The following FOXP1 variants were observed in gnomAD, a reference collection of about 807,000 sequenced individuals.
FOXP1 encodes forkhead box P1.
FOXP1 carries 15 observed loss-of-function variants against 98.2 expected under a neutral mutation model. The ratio of observed to expected loss-of-function variants is 0.15; its 90% CI spans 0.10 to 0.24. The LOEUF (loss-of-function observed/expected upper bound fraction) is 0.24. Among genes scored for constraint, FOXP1 ranks in the 10% least tolerant of loss-of-function variants. FOXP1 has a pLI of 1.00. For synonymous variants in FOXP1, 371 were observed against 314.5 expected (o/e 1.18, Z -1.90); for missense variants, 633 against 848.5 (o/e 0.75, Z 3.15).
chr3:70,974,722 C>T (rs922513207), intron 17 of FOXP1, among the ~76,000 whole-genome samples: 1 of 152,174 alleles, frequency 6.6e-6, no homozygotes, highest in Non-Finnish European at 1.5e-5. Context: ...CAGGGCATGA[C>T]ACATGTAAGA....
intron 3 of FOXP1, among the ~76,000 whole-genome samples, chr3:71,466,675 G>C (rs1392351811): frequency 6.6e-6 from 1 of 152,160 alleles, no homozygotes; most frequent in East Asian, 1.9e-4. Flanking sequence ...GTCTGATGCT[G>C]ACTCAGCGCT....
intron 7 of FOXP1, among the ~76,000 whole-genome samples, chr3:71,056,712 A>G (rs1288980): frequency 0.25 from 37,422 of 152,104 alleles, 10,855 homozygotes; most frequent in African/African-American, 0.7. Context: ...TTATAAAACC[A>G]AGATTTCCCC....
intron 6 of FOXP1, among the ~76,000 whole-genome samples, chr3:71,175,000 G>C (rs968806060): frequency 6.7e-6 from 1 of 150,086 alleles, no homozygotes. Context: ...TGCAACCTCC[G>C]CCCCCGGGTT....
chr3:71,430,581 T>C (rs547518623), intron 3 of FOXP1, among the ~76,000 whole-genome samples: 2 of 152,284 alleles, frequency 1.3e-5, no homozygotes, highest in South Asian at 4.1e-4. Context: ...TACCATTTAT[T>C]CTAGAAATTA....
intron 3 of FOXP1, among the ~76,000 whole-genome samples, chr3:71,399,600 A>G (rs565932195): frequency 6.6e-6 from 1 of 152,336 alleles, no homozygotes; most frequent in East Asian, 1.9e-4. Context: ...ACTGACAACC[A>G]GGGCAGGGAA....
At chr3:71,049,874 T>C (rs1380168880) in intron 9 of FOXP1, among the ~76,000 whole-genome samples, 1 of 151,942 alleles carries the variant, frequency 6.6e-6, no homozygotes, top group Non-Finnish European at 1.5e-5. Context: ...AAACTACAGA[T>C]CTCCTAAGCA....
intron 3 of FOXP1, among the ~76,000 whole-genome samples, chr3:71,485,766 T>G (rs1209544853): frequency 7.5e-6 from 1 of 133,270 alleles, no homozygotes; most frequent in African/African-American, 2.8e-5. Flanking sequence ...ACAAAGAGAC[T>G]CCATCAAAAA....
intron 11 of FOXP1, among the ~76,000 whole-genome samples, chr3:71,023,271 CACA>C (rs1334379340): frequency 6.6e-6 from 1 of 152,184 alleles, no homozygotes; most frequent in African/African-American, 2.4e-5. Context: ...TGTCCATGTG[CACA>C]ACTTTATGTC....
intron 4 of FOXP1, among the ~76,000 whole-genome samples, chr3:71,341,980 T>C: frequency 6.6e-6 from 1 of 152,232 alleles, no homozygotes; most frequent in African/African-American, 2.4e-5. Flanking sequence ...CATAACAAGT[T>C]AGCCAAAAAT....
intron 20 of FOXP1, among the ~76,000 whole-genome samples, chr3:70,964,998 C>T (rs1376860553): frequency 1.3e-5 from 2 of 152,106 alleles, no homozygotes; most frequent in East Asian, 3.9e-4. Context: ...AATGTGTAGA[C>T]AAGCAGCCTA....
intron 5 of FOXP1, among the ~76,000 whole-genome samples, chr3:71,278,973 C>T (rs1272470041): frequency 1.3e-5 from 2 of 151,934 alleles, no homozygotes; most frequent in Non-Finnish European, 2.9e-5. Flanking sequence ...GGGTGGATCA[C>T]CTGAGGTCAG....
At chr3:71,004,096 C>T (rs201731998) in intron 12 of FOXP1, among the ~76,000 whole-genome samples, 1 of 148,408 alleles carries the variant, frequency 6.7e-6, no homozygotes, top group African/African-American at 2.5e-5. Context: ...CATCCCCCCC[C>T]AAGTTCAGAA....
chr3:71,485,175 C>T (rs2090558012), intron 3 of FOXP1, among the ~76,000 whole-genome samples: 1 of 152,144 alleles, frequency 6.6e-6, no homozygotes, highest in Non-Finnish European at 1.5e-5. Context: ...GGTGCAGAGG[C>T]CTGGTTCTAT....
intron 4 of FOXP1, among the ~76,000 whole-genome samples, chr3:71,352,534 C>T (rs1397034683): frequency 6.7e-6 from 1 of 149,784 alleles, no homozygotes; most frequent in Non-Finnish European, 1.5e-5. Context: ...AGGTCCAGAT[C>T]CTACTTTGCT....
intron 5 of FOXP1, among the ~76,000 whole-genome samples, chr3:71,295,527 T>C (rs369205297): frequency 6.6e-6 from 1 of 151,972 alleles, no homozygotes; most frequent in Non-Finnish European, 1.5e-5. Flanking sequence ...AACTTCCTTT[T>C]GATTGTTTTT....
chr3:71,265,731 G>T (rs2069577465), intron 5 of FOXP1, among the ~76,000 whole-genome samples: 1 of 152,174 alleles, frequency 6.6e-6, no homozygotes, highest in Non-Finnish European at 1.5e-5. Flanking sequence ...CAACAGGCAT[G>T]GGCACATGAC....
At chr3:71,211,154 C>A (rs907745069) in intron 5 of FOXP1, among the ~76,000 whole-genome samples, 4 of 152,136 alleles carry the variant, frequency 2.6e-5, no homozygotes, top group African/African-American at 9.7e-5. Flanking sequence ...TGTCTTCTTT[C>A]CTCTTCCCCA....
At chr3:71,243,382 T>C (rs763099767) in intron 5 of FOXP1, among the ~76,000 whole-genome samples, 13 of 152,214 alleles carry the variant, frequency 8.5e-5, no homozygotes, top group Non-Finnish European at 1.3e-4. Flanking sequence ...CCAACAGGAA[T>C]GTGCGAGCAC....
Position 71,241,406 on chromosome 3 carries a change from C to T in FOXP1, c.-11-43014G>A, listed in dbSNP as rs550612147. Among the ~76,000 whole-genome samples, 16 of 152,156 alleles carry T rather than the reference C, an allele frequency of 1.1e-4. No homozygotes were observed. The East Asian group carries it at 1.7e-3, about 17-fold the overall frequency. On this transcript the variant is annotated intron_variant, in intron 5 of 20. Coordinates refer to ENST00000649528, the MANE Select transcript of FOXP1 (RefSeq NM_001349338.3). Reference sequence around the variant, plus strand: ...TTAGGGGCGAGTGGAGAGCATTTGGCGTCTCAAATTACTTTAACAGGGGGC... The same window carrying T: ...TTAGGGGCGAGTGGAGAGCATTTGGTGTCTCAAATTACTTTAACAGGGGGC...
Sources: allele counts gnomAD v4.1 joint callset (sites outside exome capture counted in the v4.1 genomes callset), GRCh38; gene constraint gnomAD v4.1.1; transcripts MANE v1.5; gene names NCBI Gene and HGNC (gene_info 2026-07-23, HGNC 2026-07-21).